MALRD1: variants seen among roughly 807,000 people sequenced by gnomAD.
The protein encoded by MALRD1 is MAM and LDL receptor class A domain containing 1, also known as MAM and LDL-receptor class A domain-containing protein 1.
MALRD1 carries 247 observed loss-of-function variants against 242.1 expected under a neutral mutation model. That is an observed-to-expected ratio of 1.02 (90% CI 0.92 to 1.13). MALRD1 has a LOEUF of 1.13. Among genes scored for constraint, MALRD1 ranks in the 50% most tolerant of loss-of-function variants. The pLI, the probability that MALRD1 is intolerant of heterozygous loss-of-function variation, is 0.00. For missense variants in MALRD1, 2,989 were observed against 2,533.1 expected (o/e 1.18, Z -3.86); for synonymous variants, 995 against 866.6 (o/e 1.15, Z -2.60).
chr10:19,717,762 A>G (rs1390255378), intron 38 of MALRD1, among the ~76,000 whole-genome samples: 1 of 151,960 alleles, frequency 6.6e-6, no homozygotes, highest in Non-Finnish European at 1.5e-5. Context: ...CACACCTACA[A>G]TCTCAGCACT....
At chr10:19,240,714 G>A (rs1287747982) in intron 18 of MALRD1, among the ~76,000 whole-genome samples, 2 of 151,966 alleles carry the variant, frequency 1.3e-5, no homozygotes, top group Non-Finnish European at 2.9e-5. Context: ...GTCACATATG[G>A]CCTTTACTGC....
chr10:19,454,356 T>A (rs898343621), intron 29 of MALRD1, among the ~76,000 whole-genome samples: 2 of 139,818 alleles, frequency 1.4e-5, no homozygotes, highest in Non-Finnish European at 3.1e-5. Context: ...TGCAGCCAGG[T>A]TTGAGAATTG....
rs576497561 is a variant in MALRD1 at position 19,692,562 on chromosome 10, A to G, written c.6314+8A>G. 6.5e-7 allele frequency: 1 copy of G among 1,527,260 alleles called. No homozygotes were observed. Among genetic ancestry groups the G allele is most frequent in the East Asian group, 2.5e-5 (1 of 40,750 alleles). 94.6% of individuals were successfully genotyped at this position (1,527,260 alleles called of 1,614,324 possible). Reference sequence around the variant, plus strand: ...CAGAAAGGTACCAATAAGGTAAGTGATGCCTTTAGTTGCTAAATGAAATAT... The same window carrying G: ...CAGAAAGGTACCAATAAGGTAAGTGGTGCCTTTAGTTGCTAAATGAAATAT... On this transcript the variant is annotated splice_region_variant and intron_variant, in intron 38 of 39. Coordinates refer to ENST00000454679, the MANE Select transcript of MALRD1 (RefSeq NM_001142308.3).
intron 5 of MALRD1, among the ~76,000 whole-genome samples, chr10:19,115,252 C>T (rs980733625): frequency 1.3e-5 from 2 of 152,122 alleles, no homozygotes; most frequent in Non-Finnish European, 2.9e-5. Flanking sequence ...TCCTCTGCCT[C>T]CTGACTGACG....
intron 34 of MALRD1, among the ~76,000 whole-genome samples, chr10:19,606,867 T>C (rs991260921): frequency 1.3e-5 from 2 of 152,062 alleles, no homozygotes; most frequent in Non-Finnish European, 2.9e-5. Flanking sequence ...ATGCCAACCA[T>C]AGCCTCTTCT....
chr10:19,264,548 G>T (rs1839897313), intron 19 of MALRD1, among the ~76,000 whole-genome samples: 1 of 151,106 alleles, frequency 6.6e-6, no homozygotes, highest in Admixed American at 6.6e-5. Context: ...CCGCCTCCCA[G>T]GTTCACGCCA....
intron 31 of MALRD1, among the ~76,000 whole-genome samples, chr10:19,520,661 A>T (rs745829414): frequency 6.6e-6 from 1 of 152,154 alleles, no homozygotes; most frequent in Non-Finnish European, 1.5e-5. Flanking sequence ...TTTCTCTATG[A>T]AACCATAGTG....
chr10:19,632,780 A>G (rs780617893), intron 36 of MALRD1, among the ~76,000 whole-genome samples: 1 of 152,162 alleles, frequency 6.6e-6, no homozygotes, highest in Non-Finnish European at 1.5e-5. Context: ...CATATGTCTC[A>G]TTTTCCTAAG....
intron 33 of MALRD1, among the ~76,000 whole-genome samples, chr10:19,591,920 T>C (rs1837809537): frequency 6.6e-6 from 1 of 152,220 alleles, no homozygotes; most frequent in Non-Finnish European, 1.5e-5. Context: ...TATCAAAAAG[T>C]ATAGATTTAT....
At chr10:19,655,162 T>C (rs11814692) in intron 36 of MALRD1, among the ~76,000 whole-genome samples, 16,215 of 152,012 alleles carry the variant, frequency 0.11, 2,192 homozygotes, top group African/African-American at 0.32. Flanking sequence ...AACATGCATA[T>C]GTTGTTTTTT....
chr10:19,665,299 G>A (rs1253662847), intron 36 of MALRD1, among the ~76,000 whole-genome samples: 1 of 152,102 alleles, frequency 6.6e-6, no homozygotes, highest in South Asian at 2.1e-4. Context: ...GTGGTGGAAA[G>A]TTGTGGGACA....
chr10:19,075,640 A>G (rs1221351047), intron 2 of MALRD1, among the ~76,000 whole-genome samples: 3 of 152,056 alleles, frequency 2.0e-5, no homozygotes, highest in African/African-American at 7.2e-5. Context: ...AATTCTGCCA[A>G]CCACTTCAAT....
intron 35 of MALRD1, among the ~76,000 whole-genome samples, chr10:19,612,886 CCACCTCTAA>C (rs910344631): frequency 4.6e-5 from 7 of 152,050 alleles, no homozygotes; most frequent in African/African-American, 1.7e-4. Flanking sequence ...CCACTAGGCC[CCACCTCTAA>C]CACTGGGGAT....
chr10:19,180,419 A>G (rs1404495602), intron 14 of MALRD1, among the ~76,000 whole-genome samples: 1 of 152,218 alleles, frequency 6.6e-6, no homozygotes, highest in Non-Finnish European at 1.5e-5. Context: ...AAATCTAAAC[A>G]TAAAAGACCA....
At chr10:19,667,659 C>T (rs772608577) in intron 36 of MALRD1, among the ~76,000 whole-genome samples, 4 of 152,024 alleles carry the variant, frequency 2.6e-5, no homozygotes, top group Non-Finnish European at 4.4e-5. Context: ...ATGTAATGTG[C>T]GGGCTTCCCC....
At chr10:19,699,029 C>A (rs1031975673) in intron 38 of MALRD1, among the ~76,000 whole-genome samples, 1 of 151,708 alleles carries the variant, frequency 6.6e-6, no homozygotes, top group Non-Finnish European at 1.5e-5. Context: ...TATCACACAC[C>A]GGGGCCTGTT....
intron 28 of MALRD1, among the ~76,000 whole-genome samples, chr10:19,414,235 C>T (rs1833410301): frequency 6.6e-6 from 1 of 152,102 alleles, no homozygotes; most frequent in Non-Finnish European, 1.5e-5. Flanking sequence ...ACATGGAACA[C>T]ACTAGAGGGG....
At chr10:19,325,383 G>A (rs1843082649) in intron 22 of MALRD1, among the ~76,000 whole-genome samples, 1 of 148,070 alleles carries the variant, frequency 6.8e-6, no homozygotes, top group Non-Finnish European at 1.5e-5. Flanking sequence ...TCCTGTCTCT[G>A]GAATTAACTA....
intron 21 of MALRD1, among the ~76,000 whole-genome samples, chr10:19,304,884 G>A (rs1346158775): frequency 6.6e-6 from 1 of 151,632 alleles, no homozygotes; most frequent in Non-Finnish European, 1.5e-5. Flanking sequence ...TTGTCTATTT[G>A]GCAAGCATTC....
Sources: gnomAD v4.1 joint callset for allele counts (sites outside exome capture counted in the v4.1 genomes callset) on GRCh38, gnomAD v4.1.1 for gene constraint, MANE v1.5 for transcripts, NCBI Gene and HGNC (gene_info 2026-07-23, HGNC 2026-07-21) for gene names.